The following TGFA variants were observed in gnomAD, a reference collection of about 807,000 sequenced individuals.
TGFA encodes transforming growth factor alpha.
A neutral mutation model predicts 21.7 loss-of-function variants in TGFA; 12 were observed. The ratio of observed to expected loss-of-function variants is 0.55; its 90% confidence interval spans 0.35 to 0.90. The LOEUF is 0.90. Among genes scored for constraint, TGFA ranks in the 40% least tolerant of loss-of-function variants. The probability of loss-of-function intolerance (pLI) is 0.01; values close to 1 mark genes in which losing one functional copy is unlikely to be tolerated. For missense variants in TGFA, 178 were observed against 210.8 expected, an observed-to-expected ratio of 0.84 and a Z score of 0.96; for synonymous variants, 79 against 88.1, an observed-to-expected ratio of 0.90 and a Z score of 0.58.
At chr2:70,475,853 C>G (rs79169587) in intron 2 of TGFA, among the ~76,000 whole-genome samples, 56 of 152,096 alleles carry the variant, frequency 3.7e-4, no homozygotes, top group African/African-American at 1.2e-3. Context: ...ACTACCTCCC[C>G]CAAAAGGCAC....
intron 3 of TGFA, among the ~76,000 whole-genome samples, chr2:70,464,027 CCTT>C (rs1485355731): frequency 6.6e-6 from 1 of 152,192 alleles, no homozygotes; most frequent in Non-Finnish European, 1.5e-5. Context: ...GTGTGCCTCT[CCTT>C]CTTTCTCTCC....
At chr2:70,552,926 G>C (rs1250523641) in intron 1 of TGFA, among the ~76,000 whole-genome samples, 2 of 152,236 alleles carry the variant, frequency 1.3e-5, no homozygotes, top group Non-Finnish European at 2.9e-5. Flanking sequence ...GGCGCGCGGC[G>C]CTGCGCCCTC....
At chr2:70,528,336 G>A (rs967712915) in intron 1 of TGFA, among the ~76,000 whole-genome samples, 5 of 152,202 alleles carry the variant, frequency 3.3e-5, no homozygotes, top group Admixed American at 2.6e-4. Flanking sequence ...CCAGGGAGAA[G>A]CAATGACCAG....
chr2:70,465,521 G>A lies in TGFA; in HGVS notation c.215+95C>T. The stretch of plus-strand genomic sequence containing the variant: ...GACACATCTGGCTCCAGGGGTCTCG[G>A]AGCCTCTGGCAAGTCTTATGGAGGT... On this transcript the variant is annotated intron_variant, in intron 3 of 5. Coordinates refer to ENST00000295400, the MANE Select transcript of TGFA (RefSeq NM_003236.4). The A allele has an allele frequency of 2.0e-6, 3 of 1,513,502 alleles. No homozygotes were observed. The South Asian group carries it at 3.8e-5, about 19-fold the overall frequency. The allele number at this position is 1,513,502 out of a possible 1,614,324, so 93.8% of individuals were successfully genotyped here.
chr2:70,462,589 T>C (rs1670437834), intron 3 of TGFA, among the ~76,000 whole-genome samples: 1 of 152,140 alleles, frequency 6.6e-6, no homozygotes, highest in African/African-American at 2.4e-5. Flanking sequence ...TGTTTGGAAG[T>C]TCAGGCCCGG....
intron 1 of TGFA, among the ~76,000 whole-genome samples, chr2:70,519,972 T>A (rs1262668635): frequency 3.9e-5 from 6 of 152,220 alleles, no homozygotes; most frequent in African/African-American, 1.4e-4. Flanking sequence ...TTATGTACCC[T>A]TGCTAAGGCT....
At chr2:70,535,589 G>A (rs1311434451) in intron 1 of TGFA, among the ~76,000 whole-genome samples, 1 of 152,174 alleles carries the variant, frequency 6.6e-6, no homozygotes, top group Non-Finnish European at 1.5e-5. Flanking sequence ...TGATCACTTA[G>A]ATATATCCTA....
chr2:70,461,552 T>C (rs1670405881), intron 3 of TGFA: 1 of 152,236 alleles, frequency 6.6e-6, no homozygotes, highest in Non-Finnish European at 1.5e-5. Flanking sequence ...GGGAAAGTTG[T>C]CAGGGAGTTG....
chr2:70,489,345 C>G (rs1456197709), intron 2 of TGFA, among the ~76,000 whole-genome samples: 5 of 152,248 alleles, frequency 3.3e-5, no homozygotes, highest in Non-Finnish European at 7.3e-5. Flanking sequence ...TATTTCATTC[C>G]TCTTCCCACG....
At position 70,475,302 on chromosome 2, in the gene TGFA, T is replaced by A. The variant is rs567824574; in HGVS notation, c.95-9566A>T. Among the ~76,000 whole-genome samples, 5 of 152,274 alleles carry A rather than the reference T, an allele frequency of 3.3e-5. No individual in the cohort carries two copies. In the South Asian group the frequency reaches 6.2e-4, roughly 19 times the overall value. On this transcript the variant is annotated intron_variant, in intron 2 of 5. Coordinates refer to ENST00000295400, the MANE Select transcript of TGFA (RefSeq NM_003236.4). ...CCTACTGCAAGTGCTATGCCCAGCA[T>A]TTTATAGAGCGAATTCTATTTAATC... is the stretch of plus-strand genomic sequence containing the variant.
rs570573883 is a variant in TGFA, at chr2:70,450,382, A to G, written c.*477T>C. The G allele has an allele frequency of 3.8e-5, 6 of 156,538 alleles. No homozygotes were observed. The highest frequency in any genetic ancestry group is 3.7e-4 in the East Asian group (2 of 5,430). 9.7% of individuals were successfully genotyped at this position (156,538 alleles called of 1,614,324 possible). A position where few individuals can be genotyped will look rare whatever the true frequency, so the allele number is the denominator to read the frequency against. On this transcript the variant is annotated 3_prime_UTR_variant, in exon 6 of 6. Coordinates refer to ENST00000295400, the MANE Select transcript of TGFA (RefSeq NM_003236.4). ...CTCTTAAAGCTAGGGTCTTCATGTG[A>G]TATTAAACAGTTTCCCCTCCTTCAC... is the stretch of plus-strand genomic sequence containing the variant.
chr2:70,528,350 C>T (rs782802889), intron 1 of TGFA, among the ~76,000 whole-genome samples: 8 of 152,164 alleles, frequency 5.3e-5, no homozygotes, highest in South Asian at 2.1e-4. Flanking sequence ...TGACCAGCTT[C>T]GGTCAGTAGC....
At chr2:70,506,725 T>C (rs1349630152) in intron 2 of TGFA, among the ~76,000 whole-genome samples, 1 of 152,198 alleles carries the variant, frequency 6.6e-6, no homozygotes, top group Non-Finnish European at 1.5e-5. Context: ...ACTATTATTA[T>C]CCCCATTCTA....
chr2:70,496,906 C>A (rs190168434), intron 2 of TGFA, among the ~76,000 whole-genome samples: 73 of 152,244 alleles, frequency 4.8e-4, no homozygotes, highest in East Asian at 1.2e-3. Context: ...GCACTGGGTG[C>A]TACTAAGGAA....
At chr2:70,465,180 G>A (rs1670516142) in intron 3 of TGFA, among the ~76,000 whole-genome samples, 1 of 152,170 alleles carries the variant, frequency 6.6e-6, no homozygotes, top group Non-Finnish European at 1.5e-5. Context: ...TGCACTTCTG[G>A]CTTGTTTTAT....
intron 2 of TGFA, among the ~76,000 whole-genome samples, chr2:70,504,447 TATATATATATATATATACACAC>T (rs1294477923): frequency 1.2e-5 from 1 of 82,096 alleles, no homozygotes. Context: ...TATATATATA[TATATATATATATATATACACAC>T]ATACATACAT....
chr2:70,458,181 C>A (rs1235245398), intron 3 of TGFA, among the ~76,000 whole-genome samples: 1 of 152,168 alleles, frequency 6.6e-6, no homozygotes, highest in Non-Finnish European at 1.5e-5. Flanking sequence ...GCTCTCCCTG[C>A]AGGCACTGGC....
At chr2:70,487,312 G>A (rs1217481815) in intron 2 of TGFA, among the ~76,000 whole-genome samples, 3 of 152,286 alleles carry the variant, frequency 2.0e-5, no homozygotes, top group South Asian at 4.1e-4. Flanking sequence ...GCTACAGGTT[G>A]AGTATTCTTT....
intron 3 of TGFA, among the ~76,000 whole-genome samples, chr2:70,464,655 G>C (rs1404719432): frequency 5.3e-5 from 8 of 152,106 alleles, no homozygotes; most frequent in Non-Finnish European, 7.4e-5. Flanking sequence ...TTCAATATAG[G>C]TCCCCCTAAT....
Sources: allele counts gnomAD v4.1 joint callset (sites outside exome capture counted in the v4.1 genomes callset), GRCh38; gene constraint gnomAD v4.1.1; transcripts MANE v1.5; gene names NCBI Gene and HGNC (gene_info 2026-07-23, HGNC 2026-07-21).